The following TC2N variants were observed in gnomAD, a reference collection of about 807,000 sequenced individuals.
The protein encoded by TC2N is tandem C2 domains, nuclear, also known as tandem C2 domains nuclear protein.
A neutral mutation model predicts 61.9 loss-of-function variants in TC2N; 51 were observed. The ratio of observed to expected loss-of-function variants is 0.82; its 90% CI spans 0.66 to 1.04. TC2N has a LOEUF of 1.04. Among genes scored for constraint, TC2N ranks in the 50% least tolerant of loss-of-function variants. The pLI, the probability that TC2N is intolerant of heterozygous loss-of-function variation, is 0.00. For missense variants in TC2N, 556 were observed against 566.7 expected (o/e 0.98, Z 0.19); for synonymous variants, 204 against 192.6 (o/e 1.06, Z -0.49).
At chr14:91,842,969 G>A (rs1888193094) in intron 1 of TC2N, among the ~76,000 whole-genome samples, 1 of 152,108 alleles carries the variant, frequency 6.6e-6, no homozygotes, top group African/African-American at 2.4e-5. Flanking sequence ...CGTTGATTTT[G>A]GGTTCAGCCA....
intron 1 of TC2N, among the ~76,000 whole-genome samples, chr14:91,824,144 TG>T (rs1392436883): frequency 6.6e-6 from 1 of 152,110 alleles, no homozygotes. Flanking sequence ...GAGGACAGAT[TG>T]TAAAAAGACT....
chr14:91,861,201 C>T (rs1350842295), intron 1 of TC2N, among the ~76,000 whole-genome samples: 1 of 152,086 alleles, frequency 6.6e-6, no homozygotes, highest in Non-Finnish European at 1.5e-5. Flanking sequence ...ATCAGAAAGA[C>T]CAGAGAATGA....
intron 1 of TC2N, among the ~76,000 whole-genome samples, chr14:91,867,043 C>T (rs567760355): frequency 4.6e-4 from 70 of 152,180 alleles, no homozygotes; most frequent in African/African-American, 2.2e-4. Flanking sequence ...ATTTTGAAAG[C>T]GCAATTTGAG....
At chr14:91,812,595 T>C (rs1414664887) in intron 2 of TC2N, 50 bp from the exon 3 acceptor site, 2 of 902,022 alleles carry the variant, frequency 2.2e-6, no homozygotes, top group Non-Finnish European at 3.5e-6. Flanking sequence ...AGGTTACATA[T>C]AATAATCTAA....
intron 9 of TC2N, among the ~76,000 whole-genome samples, chr14:91,788,118 G>C: frequency 6.6e-6 from 1 of 152,062 alleles, no homozygotes. Context: ...TGGATTAAGA[G>C]TGAATTACTA....
rs370034517 is a variant in TC2N, at chr14:91,812,297, T to C, written c.301+15A>G. 6.9e-7 allele frequency: 1 copy of C among 1,443,322 alleles called. No homozygotes were observed. The highest frequency in any genetic ancestry group is 2.3e-5 in the East Asian group (1 of 43,444). 89.4% of individuals were successfully genotyped at this position (1,443,322 alleles called of 1,614,324 possible). A position where few individuals can be genotyped will look rare whatever the true frequency, so the allele number is the denominator to read the frequency against. On this transcript the variant is annotated intron_variant, in intron 3 of 11. Coordinates refer to ENST00000435962, the MANE Select transcript of TC2N (RefSeq NM_001128596.3). ...CTACATATCGATTTTTAAATACTGC[T>C]ATTTTATTGTTTACCTTCAAGTTCT...
chr14:91,860,792 G>A (rs548096180), intron 1 of TC2N, among the ~76,000 whole-genome samples: 20 of 152,316 alleles, frequency 1.3e-4, no homozygotes, highest in Non-Finnish European at 1.9e-4. Flanking sequence ...AGAGATACAG[G>A]TTGGTCTGAA....
At chr14:91,789,097 A>G (rs1021918200) in intron 9 of TC2N, among the ~76,000 whole-genome samples, 1 of 152,212 alleles carries the variant, frequency 6.6e-6, no homozygotes, top group Non-Finnish European at 1.5e-5. Context: ...TTTTTATTAC[A>G]GTTTTGTACC....
chr14:91,849,786 C>G (rs7141742), intron 1 of TC2N, among the ~76,000 whole-genome samples: 146,264 of 152,322 alleles, frequency 0.96, 70,314 homozygotes, highest in East Asian at 1. Context: ...AGTGGCTTAC[C>G]CCTGTAATCC....
intron 1 of TC2N, among the ~76,000 whole-genome samples, chr14:91,859,420 C>T (rs189296390): frequency 1.7e-4 from 26 of 152,226 alleles, no homozygotes; most frequent in East Asian, 1.2e-3. Flanking sequence ...CCTCCGTACC[C>T]GATCAATCAC....
chr14:91,841,976 CTT>C (rs10682178), intron 1 of TC2N, among the ~76,000 whole-genome samples: 141 of 125,736 alleles, frequency 1.1e-3, no homozygotes, highest in African/African-American at 3.9e-3. Flanking sequence ...TCCCTTCCAC[CTT>C]TTTTTTTTTT....
At chr14:91,814,869 A>G (rs1886941309) in intron 1 of TC2N, among the ~76,000 whole-genome samples, 2 of 151,658 alleles carry the variant, frequency 1.3e-5, no homozygotes, top group South Asian at 4.1e-4. Context: ...CACAAAAATA[A>G]CTATGTCAGG....
intron 11 of TC2N, among the ~76,000 whole-genome samples, chr14:91,783,745 A>G (rs1394103081): frequency 6.6e-6 from 1 of 152,120 alleles, no homozygotes; most frequent in African/African-American, 2.4e-5. Context: ...GTGAATGTAT[A>G]CATAGTATTA....
chr14:91,799,952 C>T (rs1236574641), intron 5 of TC2N, among the ~76,000 whole-genome samples: 1 of 152,168 alleles, frequency 6.6e-6, no homozygotes, highest in East Asian at 1.9e-4. Context: ...ATTTTTAAAA[C>T]TAGCTGGTTA....
At chr14:91,854,227 T>C (rs1403596343) in intron 1 of TC2N, among the ~76,000 whole-genome samples, 1 of 152,104 alleles carries the variant, frequency 6.6e-6, no homozygotes, top group Non-Finnish European at 1.5e-5. Context: ...GTTCTGTGGC[T>C]TAAACACAGA....
intron 1 of TC2N, among the ~76,000 whole-genome samples, chr14:91,844,372 C>T (rs1162693993): frequency 1.3e-5 from 2 of 152,162 alleles, no homozygotes; most frequent in African/African-American, 2.4e-5. Context: ...AGCCAAACAA[C>T]ATCCTTGCCA....
chr14:91,851,562 T>A (rs1182946428), intron 1 of TC2N, among the ~76,000 whole-genome samples: 1 of 152,190 alleles, frequency 6.6e-6, no homozygotes, highest in Non-Finnish European at 1.5e-5. Flanking sequence ...CACCTAAGGC[T>A]CTTTCACTTA....
intron 1 of TC2N, among the ~76,000 whole-genome samples, chr14:91,816,738 C>T (rs1376421853): frequency 6.6e-6 from 1 of 151,798 alleles, no homozygotes; most frequent in Non-Finnish European, 1.5e-5. Context: ...CTTCCCAATT[C>T]GCTATCTCAT....
intron 1 of TC2N, among the ~76,000 whole-genome samples, chr14:91,841,280 C>A (rs1888156936): frequency 6.6e-6 from 1 of 152,208 alleles, no homozygotes; most frequent in Non-Finnish European, 1.5e-5. Flanking sequence ...ATTTCTGTGA[C>A]CTCTGTATGG....
Sources: allele counts gnomAD v4.1 joint callset (sites outside exome capture counted in the v4.1 genomes callset), GRCh38; gene constraint gnomAD v4.1.1; transcripts MANE v1.5; gene names NCBI Gene and HGNC (gene_info 2026-07-23, HGNC 2026-07-21).